ARHGEF19: variants seen among roughly 807,000 people sequenced by gnomAD.
ARHGEF19 encodes the protein Rho guanine nucleotide exchange factor 19, also known as Rho guanine nucleotide exchange factor (GEF) 19.
ARHGEF19 carries 92 observed loss-of-function variants against 87.6 expected under a neutral mutation model. The observed-to-expected ratio is 1.05, with a 90% CI of 0.89 to 1.25. ARHGEF19 has a LOEUF of 1.25. ARHGEF19 is among the 50% of genes most tolerant of loss of function. The probability of loss-of-function intolerance (pLI) is 0.00; values close to 1 mark genes in which losing one functional copy is unlikely to be tolerated. For synonymous variants in ARHGEF19, 438 were observed against 446.2 expected (o/e 0.98, Z 0.23); for missense variants, 1,054 against 1,051.8 (o/e 1.00, Z -0.03).
rs1190514733 is a variant in ARHGEF19 at position 16,206,609 on chromosome 1, T to C, written c.1138-269A>G. 6 of 240,274 alleles carry C rather than the reference T, an allele frequency of 2.5e-5. No homozygotes were observed. The highest frequency in any genetic ancestry group is 1.2e-4 in the African/African-American group (1 of 8,106). 14.9% of individuals were successfully genotyped at this position (240,274 alleles called of 1,614,324 possible). On this transcript the variant is annotated intron_variant, in intron 6 of 15. Coordinates refer to ENST00000270747, the MANE Select transcript of ARHGEF19 (RefSeq NM_153213.5). The surrounding 1 kb of genome is among the most constrained non-coding windows in gnomAD (Gnocchi z 4.6). The stretch of plus-strand genomic sequence containing the variant: ...CCGCCCACCCCCCAGGTCCCGCCCC[T>C]GATCCTGGCCCCGCCTTGTTCCGCG...
Position 16,207,040 on chromosome 1 carries a change from C to G in ARHGEF19, c.1045G>C (p.Gly349Arg), listed in dbSNP as rs1421539587. 2.0e-6 allele frequency: 3 copies of G among 1,510,722 alleles called. No individual in the cohort carries two copies. Among genetic ancestry groups the G allele is most frequent in the Non-Finnish European group, 1.8e-6 (2 of 1,132,372 alleles). 93.6% of individuals were successfully genotyped at this position (1,510,722 alleles called of 1,614,324 possible). Residue 349 changes from glycine to arginine, a missense_variant, in exon 6 of 16, where the codon GGC becomes CGC. Transcript: ENST00000270747. This position sits in a 1 kb window ranked among gnomAD's most constrained non-coding sequence, Gnocchi z 4.0. ...SSFRAQRSAR[G>R]STFSLWQDIP... ...TCCTGCCACAGCGAGAAGGTGGAGC[C>G]TCGCGCCGAGCGCTGCGCCCGGAAG... is the stretch of plus-strand genomic sequence containing the variant.
At chr1:16,211,266 C>T (rs2081194666) in intron 1 of ARHGEF19, among the ~76,000 whole-genome samples, 1 of 147,828 alleles carries the variant, frequency 6.8e-6, no homozygotes, top group African/African-American at 2.5e-5. Flanking sequence ...ACAAGGAGGC[C>T]CCTGCCCACA....
rs781423855 is a variant in ARHGEF19 at position 16,205,498 on chromosome 1, C to T, written c.1581+40G>A. The T allele has an allele frequency of 5.8e-5, 94 of 1,613,566 alleles. 1 individual carries two copies. In the East Asian group the frequency reaches 1.6e-3, roughly 27 times the overall value. On this transcript the variant is annotated intron_variant, in intron 9 of 15. Transcript: ENST00000270747. This position sits in a 1 kb window ranked among gnomAD's most constrained non-coding sequence, Gnocchi z 5.8. ...CCCGGCCCGCCCACAGGTGTATCTC[C>T]CTCGCCCAGCCCTCACTGTGGCCTG... is the stretch of plus-strand genomic sequence containing the variant.
rs1194580568 is a variant in ARHGEF19 at position 16,206,752 on chromosome 1, T to C, written c.1137+196A>G. Among the ~76,000 whole-genome samples the C allele has an allele frequency of 2.6e-5, 4 of 151,770 alleles. No individual in the cohort carries two copies. The highest frequency in any genetic ancestry group is 7.3e-5 in the African/African-American group (3 of 41,242). ...ACCCAAGCCCGGCTCCCCTCGCCTC[T>C]CGCTCAGCGGCTTGCTGTCCTCGCT... On this transcript the variant is annotated intron_variant, in intron 6 of 15. Coordinates refer to ENST00000270747, the MANE Select transcript of ARHGEF19 (RefSeq NM_153213.5). This position sits in a 1 kb window ranked among gnomAD's most constrained non-coding sequence, Gnocchi z 4.6.
At position 16,205,210 on chromosome 1, in the gene ARHGEF19, C is replaced by T; in HGVS notation, c.1657-34G>A. 6.3e-7 allele frequency: 1 copy of T among 1,591,904 alleles called. No homozygotes were observed. Among genetic ancestry groups the T allele is most frequent in the Non-Finnish European group, 8.6e-7 (1 of 1,168,600 alleles). The stretch of plus-strand genomic sequence containing the variant: ...GCCGTGGGGAGGTCACCTGCAGCCC[C>T]TCAGCTCCGGCTCCCAGAGCCCAGC... On this transcript the variant is annotated intron_variant, in intron 10 of 15. Transcript: ENST00000270747. The surrounding 1 kb of genome is among the most constrained non-coding windows in gnomAD (Gnocchi z 5.8).
At chr1:16,199,404 G>T (rs2081066735) in intron 14 of ARHGEF19, 150 bp from the exon 15 acceptor site, 1 of 668,984 alleles carries the variant, frequency 1.5e-6, no homozygotes, top group African/African-American at 1.8e-5. Context: ...CATGCCACAG[G>T]CCCACGTTCA....
Position 16,201,726 on chromosome 1 carries a change from A to AGG in ARHGEF19, c.2146+54_2146+55dup, listed in dbSNP as rs879637432. On this transcript the variant is annotated intron_variant, in intron 14 of 15. Coordinates refer to ENST00000270747, the MANE Select transcript of ARHGEF19 (RefSeq NM_153213.5). ...AACACAGCACCCAGGATGGGAGGGG[A>AGG]GGAGAGCGGGCGAGGGTCCAGCCCA... The AGG allele has an allele frequency of 1.4e-3, 2,173 of 1,569,206 alleles. 4 individuals carry two copies. The highest frequency in any genetic ancestry group is 2.4e-3 in the Admixed American group (134 of 56,710).
rs2081140331 is a variant in ARHGEF19 at position 16,206,760 on chromosome 1, C to A, written c.1137+188G>T. 6.6e-6 allele frequency among the ~76,000 whole-genome samples: 1 copy of A among 152,054 alleles called. No individual in the cohort carries two copies. ...CCGGCTCCCCTCGCCTCTCGCTCAG[C>A]GGCTTGCTGTCCTCGCTTCCAGACG... is the stretch of plus-strand genomic sequence containing the variant. On this transcript the variant is annotated intron_variant, in intron 6 of 15. Coordinates refer to ENST00000270747, the MANE Select transcript of ARHGEF19 (RefSeq NM_153213.5). The surrounding 1 kb of genome is among the most constrained non-coding windows in gnomAD (Gnocchi z 4.6).
chr1:16,205,291 C>T lies in ARHGEF19; in HGVS notation c.1656+60G>A, dbSNP rs540776901. The T allele has an allele frequency of 9.9e-6, 16 of 1,610,596 alleles. 1 individual carries two copies. Among genetic ancestry groups the T allele is most frequent in the African/African-American group, 2.7e-5 (2 of 74,962 alleles). Reference sequence around the variant, plus strand: ...TGACAGCTGGGGGCTGTTTTAGAGACGTGCTGGGGGTCCAGGGGGGGCCTC... The same window carrying T: ...TGACAGCTGGGGGCTGTTTTAGAGATGTGCTGGGGGTCCAGGGGGGGCCTC... On this transcript the variant is annotated intron_variant, in intron 10 of 15. Coordinates refer to ENST00000270747, the MANE Select transcript of ARHGEF19 (RefSeq NM_153213.5). The surrounding 1 kb of genome is among the most constrained non-coding windows in gnomAD (Gnocchi z 5.8).
chr1:16,200,064 A>T (rs531865755), intron 14 of ARHGEF19, among the ~76,000 whole-genome samples: 1 of 152,274 alleles, frequency 6.6e-6, no homozygotes, highest in South Asian at 2.1e-4. Context: ...TCCCCTGACC[A>T]CCTGGGAATA....
chr1:16,207,188 G>A lies in ARHGEF19; in HGVS notation c.897C>T (p.Ser299=), dbSNP rs1287727228. The A allele has an allele frequency of 1.3e-5, 20 of 1,531,932 alleles. No homozygotes were observed. The highest frequency in any genetic ancestry group is 1.7e-5 in the Non-Finnish European group (20 of 1,143,442). The allele number at this position is 1,531,932 out of a possible 1,614,324, so 94.9% of individuals were successfully genotyped here. Reference sequence around the variant, plus strand: ...GCAGTTCGCGGGCGCTGGCCACGTCGCTGTATTCCTGATAGAGGACGGCTG... The same window carrying A: ...GCAGTTCGCGGGCGCTGGCCACGTCACTGTATTCCTGATAGAGGACGGCTG... ...LLNSVLYQEY[S]DVASARELRR... Residue 299 remains serine (S), a synonymous_variant, in exon 6 of 16, where the codon AGC becomes AGT. Transcript: ENST00000270747. This position sits in a 1 kb window ranked among gnomAD's most constrained non-coding sequence, Gnocchi z 4.0.
At chr1:16,201,496 A>G (rs760574086) in intron 14 of ARHGEF19, among the ~76,000 whole-genome samples, 1 of 152,136 alleles carries the variant, frequency 6.6e-6, no homozygotes, top group Non-Finnish European at 1.5e-5. Context: ...GTGAACTTAC[A>G]CAAGTCCATT....
intron 12 of ARHGEF19, among the ~76,000 whole-genome samples, chr1:16,204,311 C>T (rs1485477302): frequency 2.6e-5 from 4 of 152,212 alleles, no homozygotes; most frequent in Non-Finnish European, 5.9e-5. Context: ...CTCCTGGCTC[C>T]CCCACCTACT....
chr1:16,198,075 C>T lies in ARHGEF19; in HGVS notation c.*512G>A. 6.6e-6 allele frequency: 1 copy of T among 152,446 alleles called. No homozygotes were observed. Among genetic ancestry groups the T allele is most frequent in the Non-Finnish European group, 1.5e-5 (1 of 68,186 alleles). 9.4% of individuals were successfully genotyped at this position (152,446 alleles called of 1,614,324 possible). A position where few individuals can be genotyped will look rare whatever the true frequency, so the allele number is the denominator to read the frequency against. On this transcript the variant is annotated 3_prime_UTR_variant, in exon 16 of 16. Coordinates refer to ENST00000270747, the MANE Select transcript of ARHGEF19 (RefSeq NM_153213.5). The surrounding 1 kb of genome is among the most constrained non-coding windows in gnomAD (Gnocchi z 4.1). Reference sequence around the variant, plus strand: ...GAAAATAGGACTGTGGGGGTGGGGGCAGCATCAGATGGATCACAGACTCCA... The same window carrying T: ...GAAAATAGGACTGTGGGGGTGGGGGTAGCATCAGATGGATCACAGACTCCA...
chr1:16,204,768 CGA>C lies in ARHGEF19; in HGVS notation c.1896_1897del (p.Arg633AlafsTer17). 1 of 1,599,062 alleles carries C rather than the reference CGA, an allele frequency of 6.3e-7. No homozygotes were observed. The highest frequency in any genetic ancestry group is 1.1e-5 in the South Asian group (1 of 89,956). ...GACTGCCCCGACTCACTCCTTCCGC[CGA>C]GAGAGCAGCAAGCAGTCATTGAAGA... On this transcript the variant is annotated frameshift_variant, in exon 12 of 16. Coordinates refer to ENST00000270747, the MANE Select transcript of ARHGEF19 (RefSeq NM_153213.5). LOFTEE classifies it high-confidence loss of function.
Position 16,207,035 on chromosome 1 carries a change from G to A in ARHGEF19, c.1050C>T (p.Ser350=). ...SFRAQRSARG[S]TFSLWQDIPD... ...GGATATCCTGCCACAGCGAGAAGGTGGAGCCTCGCGCCGAGCGCTGCGCCC... is the reference window on the plus strand; with the variant it reads ...GGATATCCTGCCACAGCGAGAAGGTAGAGCCTCGCGCCGAGCGCTGCGCCC... Residue 350 remains serine, a synonymous_variant, in exon 6 of 16, where the codon TCC becomes TCT. Coordinates refer to ENST00000270747, the MANE Select transcript of ARHGEF19 (RefSeq NM_153213.5). The surrounding 1 kb of genome is among the most constrained non-coding windows in gnomAD (Gnocchi z 4.0). 2 of 1,513,586 alleles carry A rather than the reference G, an allele frequency of 1.3e-6. No individual in the cohort carries two copies. Among genetic ancestry groups the A allele is most frequent in the East Asian group, 5.5e-5 (2 of 36,394 alleles). The allele number at this position is 1,513,586 out of a possible 1,614,324, so 93.8% of individuals were successfully genotyped here.
chr1:16,205,765 C>G lies in ARHGEF19; in HGVS notation c.1452-98G>C. 1 of 1,501,366 alleles carries G rather than the reference C, an allele frequency of 6.7e-7. No individual in the cohort carries two copies. The highest frequency in any genetic ancestry group is 2.5e-5 in the East Asian group (1 of 40,656). 93.0% of individuals were successfully genotyped at this position (1,501,366 alleles called of 1,614,324 possible). On this transcript the variant is annotated intron_variant, in intron 8 of 15. Coordinates refer to ENST00000270747, the MANE Select transcript of ARHGEF19 (RefSeq NM_153213.5). This position sits in a 1 kb window ranked among gnomAD's most constrained non-coding sequence, Gnocchi z 5.8. Reference sequence around the variant, plus strand: ...GGGGTCCTCAGGGGGCTTCTCAGCACATCCTTACTGCCCTTTGGGGTTGCA... The same window carrying G: ...GGGGTCCTCAGGGGGCTTCTCAGCAGATCCTTACTGCCCTTTGGGGTTGCA...
Position 16,207,302 on chromosome 1 carries a change from C to T in ARHGEF19, c.875-92G>A. ...TCCCTCAAGAGCCCGCGTCACTTAA[C>T]CTTTGCCGCGGTTCGGATATCTGGA... is the stretch of plus-strand genomic sequence containing the variant. On this transcript the variant is annotated intron_variant, in intron 5 of 15. Transcript: ENST00000270747. The surrounding 1 kb of genome is among the most constrained non-coding windows in gnomAD (Gnocchi z 4.0). The T allele has an allele frequency of 7.0e-7, 1 of 1,437,498 alleles. No individual in the cohort carries two copies. The allele number at this position is 1,437,498 out of a possible 1,614,324, so 89.0% of individuals were successfully genotyped here. A position where few individuals can be genotyped will look rare whatever the true frequency, so the allele number is the denominator to read the frequency against.
rs1425708991 is a variant in ARHGEF19, at chr1:16,207,106, CCTCCT to C, written c.974_978del (p.Glu325GlyfsTer57). The C allele has an allele frequency of 4.0e-6, 6 of 1,512,870 alleles. No homozygotes were observed. In the African/African-American group the frequency reaches 8.7e-5, roughly 22 times the overall value. 93.7% of individuals were successfully genotyped at this position (1,512,870 alleles called of 1,614,324 possible). A position where few individuals can be genotyped will look rare whatever the true frequency, so the allele number is the denominator to read the frequency against. ...AGGTTGGCCCGCGGCGGCCCCGGCC[CCTCCT>C]CTGCGCCCTCGGCCTCGTCCCCCGG... is the stretch of plus-strand genomic sequence containing the variant. On this transcript the variant is annotated frameshift_variant, in exon 6 of 16. Transcript: ENST00000270747. LOFTEE classifies it high-confidence loss of function. The surrounding 1 kb of genome is among the most constrained non-coding windows in gnomAD (Gnocchi z 4.0).
Sources: allele counts gnomAD v4.1 joint callset (sites outside exome capture counted in the v4.1 genomes callset), GRCh38; gene constraint gnomAD v4.1.1; non-coding constraint Gnocchi (gnomAD v3.1); transcripts MANE v1.5; gene names NCBI Gene and HGNC (gene_info 2026-07-23, HGNC 2026-07-21).